PTPRQ: variants seen among roughly 807,000 people sequenced by gnomAD.
The protein encoded by PTPRQ is protein tyrosine phosphatase receptor type Q.
In PTPRQ, 199 loss-of-function variants were observed where a neutral mutation model predicts 246.0. The ratio of observed to expected loss-of-function variants is 0.81; its 90% CI spans 0.72 to 0.91. PTPRQ has a LOEUF of 0.91. Among genes scored for constraint, PTPRQ ranks in the 40% least tolerant of loss-of-function variants. The probability of loss-of-function intolerance (pLI) is 0.00; values close to 1 mark genes in which losing one functional copy is unlikely to be tolerated. For synonymous variants in PTPRQ, 869 were observed against 853.2 expected, an observed-to-expected ratio of 1.02 and a Z score of -0.32; for missense variants, 2,624 against 2,528.4, an observed-to-expected ratio of 1.04 and a Z score of -0.81.
intron 1 of PTPRQ, 106 bp from the exon 2 acceptor site, chr12:80,444,633 CAG>C: frequency 1.2e-6 from 1 of 800,122 alleles, no homozygotes; most frequent in East Asian, 2.7e-5. Context: ...ATAAACAGTG[CAG>C]AGTTATATAG....
chr12:80,672,975 T>C (rs1901020731), intron 42 of PTPRQ, among the ~76,000 whole-genome samples, 194 bp from the exon 43 acceptor site: 1 of 152,134 alleles, frequency 6.6e-6, no homozygotes, highest in Admixed American at 6.6e-5. Context: ...AGCATATTAA[T>C]GATAATCATC....
intron 25 of PTPRQ, among the ~76,000 whole-genome samples, chr12:80,555,974 T>C (rs559715642): frequency 3.2e-4 from 48 of 152,262 alleles, no homozygotes; most frequent in Non-Finnish European, 1.8e-4. Context: ...AAAAACATAT[T>C]TAATATGTAT....
intron 35 of PTPRQ, among the ~76,000 whole-genome samples, chr12:80,643,617 G>A (rs1005363726): frequency 3.3e-5 from 5 of 152,096 alleles, no homozygotes; most frequent in African/African-American, 4.8e-5. Context: ...AATGCAGAAG[G>A]ATGTGAAAGA....
At chr12:80,565,635 C>T (rs1255070681) in intron 25 of PTPRQ, among the ~76,000 whole-genome samples, 1 of 152,044 alleles carries the variant, frequency 6.6e-6, no homozygotes, top group Non-Finnish European at 1.5e-5. Context: ...AGATTATAAA[C>T]GTCATGGAAA....
At chr12:80,619,307 A>C in intron 30 of PTPRQ, 77 bp from the exon 31 acceptor site, 1 of 1,467,110 alleles carries the variant, frequency 6.8e-7, no homozygotes, top group Non-Finnish European at 9.1e-7. Flanking sequence ...AATTAACTGC[A>C]TGAAAGGAGA....
chr12:80,578,058 T>G (rs1897321536), intron 25 of PTPRQ, among the ~76,000 whole-genome samples: 1 of 152,036 alleles, frequency 6.6e-6, no homozygotes, highest in Non-Finnish European at 1.5e-5. Context: ...TTTTTTTTTT[T>G]GGATTTTTTT....
chr12:80,470,548 TGTAGG>T (rs1893591528), intron 7 of PTPRQ, among the ~76,000 whole-genome samples: 1 of 152,200 alleles, frequency 6.6e-6, no homozygotes. Context: ...CCAGGCACCA[TGTAGG>T]GCTCATTCAA....
intron 12 of PTPRQ, 150 bp downstream of exon 12, chr12:80,495,521 T>C (rs1350301083): frequency 9.7e-7 from 1 of 1,031,904 alleles, no homozygotes; most frequent in African/African-American, 1.7e-5. Context: ...ATGAATCTTT[T>C]TAAAATACCT....
At chr12:80,548,985 C>G (rs1047634283) in intron 24 of PTPRQ, among the ~76,000 whole-genome samples, 23 of 152,122 alleles carry the variant, frequency 1.5e-4, no homozygotes, top group Non-Finnish European at 2.9e-4. Context: ...TCCAAAGAAG[C>G]CATCCCGGTA....
At chr12:80,627,580 T>A (rs1260078585) in intron 33 of PTPRQ, among the ~76,000 whole-genome samples, 1 of 151,982 alleles carries the variant, frequency 6.6e-6, no homozygotes, top group Non-Finnish European at 1.5e-5. Context: ...TGGATACATA[T>A]GCTGAATTTA....
At chr12:80,471,955 G>A (rs1050694580) in intron 7 of PTPRQ, 150 bp from the exon 8 acceptor site, 1 of 920,156 alleles carries the variant, frequency 1.1e-6, no homozygotes, top group Admixed American at 3.2e-5. Context: ...TAAGCCACAT[G>A]TTTAAAATAT....
chr12:80,623,362 T>C (rs1268325560), intron 33 of PTPRQ, among the ~76,000 whole-genome samples: 1 of 152,176 alleles, frequency 6.6e-6, no homozygotes, highest in African/African-American at 2.4e-5. Flanking sequence ...TTGGCTAAAA[T>C]GTTTGTTTAA....
At position 80,679,170 on chromosome 12, in the gene PTPRQ, T is replaced by G. The variant is rs1901240430; in HGVS notation, c.*147T>G. On this transcript the variant is annotated 3_prime_UTR_variant, in exon 45 of 45. Transcript: ENST00000644991. Reference sequence around the variant, plus strand: ...GCCTTTCCAAACGGATTGAACATTTTAAGACTAGTTCTTGAAAATAGCTAA... The same window carrying G: ...GCCTTTCCAAACGGATTGAACATTTGAAGACTAGTTCTTGAAAATAGCTAA... The G allele has an allele frequency of 1.1e-6, 1 of 895,294 alleles. No individual in the cohort carries two copies. The highest frequency in any genetic ancestry group is 1.7e-5 in the African/African-American group (1 of 58,530). 55.5% of individuals were successfully genotyped at this position (895,294 alleles called of 1,614,324 possible).
chr12:80,630,851 G>A (rs1206530384), intron 33 of PTPRQ, among the ~76,000 whole-genome samples: 2 of 152,140 alleles, frequency 1.3e-5, no homozygotes, highest in Non-Finnish European at 2.9e-5. Flanking sequence ...CGAGTAGCTG[G>A]GATTACAGGC....
rs1415570756 is a variant in PTPRQ, at chr12:80,483,165, G to A, written c.1187-1268G>A. On this transcript the variant is annotated intron_variant, in intron 8 of 44. Coordinates refer to ENST00000644991, the MANE Select transcript of PTPRQ (RefSeq NM_001145026.2). ...TGATAGACTGGATTAAGAAAATGTG[G>A]CACATATACACCATGGAATACTATG... Among the ~76,000 whole-genome samples, 6 of 120,516 alleles carry A rather than the reference G, an allele frequency of 5.0e-5. No homozygotes were observed. In the East Asian group the frequency reaches 1.1e-3, roughly 21 times the overall value. 79.1% of individuals were successfully genotyped at this position (120,516 alleles called of 152,430 possible). A position where few individuals can be genotyped will look rare whatever the true frequency, so the allele number is the denominator to read the frequency against.
chr12:80,665,393 G>T (rs1341638946), intron 39 of PTPRQ, among the ~76,000 whole-genome samples: 2 of 151,954 alleles, frequency 1.3e-5, no homozygotes, highest in Non-Finnish European at 2.9e-5. Context: ...AGAGATATGA[G>T]CTGATTACTT....
At position 80,444,267 on chromosome 12, in the gene PTPRQ, G is replaced by T; in HGVS notation, c.-79G>T. On this transcript the variant is annotated 5_prime_UTR_variant, in exon 1 of 45. Transcript: ENST00000644991. Reference sequence around the variant, plus strand: ...AATTGTGTACTTGCCAGAAGGATCTGTCTTTAAATCATTAATGCAGGCAAC... The same window carrying T: ...AATTGTGTACTTGCCAGAAGGATCTTTCTTTAAATCATTAATGCAGGCAAC... 1 of 741,500 alleles carries T rather than the reference G, an allele frequency of 1.3e-6. No individual in the cohort carries two copies. Among genetic ancestry groups the T allele is most frequent in the Non-Finnish European group, 2.3e-6 (1 of 425,924 alleles). 45.9% of individuals were successfully genotyped at this position (741,500 alleles called of 1,614,324 possible).
chr12:80,450,593 G>A (rs149686375), intron 3 of PTPRQ, among the ~76,000 whole-genome samples: 7,731 of 151,916 alleles, frequency 0.051, 271 homozygotes, highest in Middle Eastern at 0.088. Context: ...ATGAAGCATT[G>A]TTGAATTTTG....
intron 31 of PTPRQ, 135 bp from the exon 32 acceptor site, chr12:80,620,019 G>T: frequency 8.8e-7 from 1 of 1,132,518 alleles, no homozygotes; most frequent in Non-Finnish European, 1.2e-6. Flanking sequence ...TATACAGGTG[G>T]ATCACTTGAA....
Sources: gnomAD v4.1 joint callset for allele counts (sites outside exome capture counted in the v4.1 genomes callset) on GRCh38, gnomAD v4.1.1 for gene constraint, MANE v1.5 for transcripts, NCBI Gene and HGNC (gene_info 2026-07-23, HGNC 2026-07-21) for gene names.